The following RORA variants were observed in gnomAD, a reference collection of about 807,000 sequenced individuals.
RORA encodes RAR related orphan receptor A.
Under a neutral mutation model 69.5 loss-of-function variants are expected in RORA, and 7 were observed. The ratio of observed to expected loss-of-function variants is 0.10; its 90% confidence interval spans 0.06 to 0.19. The LOEUF is 0.19. Ranked by LOEUF, RORA falls within the 10% of genes least tolerant of loss-of-function variation. The pLI is 1.00. For missense variants in RORA, 457 were observed against 663.0 expected (o/e 0.69, Z 3.41); for synonymous variants, 261 against 240.8 (o/e 1.08, Z -0.78).
intron 2 of RORA, among the ~76,000 whole-genome samples, chr15:60,594,620 G>C (rs1268334909): frequency 6.6e-6 from 1 of 152,190 alleles, no homozygotes; most frequent in Non-Finnish European, 1.5e-5. Context: ...TGAATAATCT[G>C]ACATCACTAG....
intron 1 of RORA, among the ~76,000 whole-genome samples, chr15:60,820,216 C>T (rs993116101): frequency 6.6e-6 from 1 of 152,232 alleles, no homozygotes; most frequent in Non-Finnish European, 1.5e-5. Flanking sequence ...TACAGGGTTT[C>T]TCTTTGTTCA....
At chr15:60,703,088 T>C (rs750449434) in intron 1 of RORA, among the ~76,000 whole-genome samples, 4 of 151,534 alleles carry the variant, frequency 2.6e-5, no homozygotes, top group Non-Finnish European at 5.9e-5. Flanking sequence ...ACAGTGTGGA[T>C]GGTGACATAA....
chr15:61,142,907 A>T (rs2079313768), intron 1 of RORA, among the ~76,000 whole-genome samples: 1 of 152,326 alleles, frequency 6.6e-6, no homozygotes, highest in African/African-American at 2.4e-5. Flanking sequence ...TCAAAAGCCT[A>T]AATCATACTA....
chr15:60,725,989 A>T (rs2071352258), intron 1 of RORA, among the ~76,000 whole-genome samples: 1 of 152,120 alleles, frequency 6.6e-6, no homozygotes, highest in South Asian at 2.1e-4. Flanking sequence ...GGCACACAAC[A>T]TTTTTTGAAT....
intron 2 of RORA, among the ~76,000 whole-genome samples, chr15:60,563,017 C>T (rs1350890944): frequency 6.6e-6 from 1 of 152,176 alleles, no homozygotes; most frequent in African/African-American, 2.4e-5. Context: ...AGGTGGCTAT[C>T]CTCAAGTTTG....
intron 1 of RORA, among the ~76,000 whole-genome samples, chr15:60,795,672 A>T (rs2072486156): frequency 6.6e-6 from 1 of 152,200 alleles, no homozygotes; most frequent in Non-Finnish European, 1.5e-5. Context: ...TAAGGCAGAA[A>T]CAACAGGTTG....
chr15:60,499,926 T>C lies in RORA; in HGVS notation c.1373A>G (p.Gln458Arg). Reference protein sequence around the residue: ...KIQLALQHVLQKNHREDGILT... With the variant: ...KIQLALQHVLRKNHREDGILT... ...TATTCCATCTTCTCGGTGATTCTTC[T>C]GTAGGACGTGTTGAAGAGCTAGCTG... The change falls in exon 10 of 11, where the codon CAG (glutamine) becomes CGG (arginine). Residue 458 changes from glutamine (Q) to arginine (R), a missense_variant. Transcript: ENST00000335670. 2 of 1,612,724 alleles carry C rather than the reference T, an allele frequency of 1.2e-6. No homozygotes were observed. Among genetic ancestry groups the C allele is most frequent in the Admixed American group, 1.7e-5 (1 of 59,916 alleles).
chr15:61,101,070 C>A (rs1038475070), intron 1 of RORA, among the ~76,000 whole-genome samples: 25 of 152,172 alleles, frequency 1.6e-4, no homozygotes, highest in African/African-American at 6.0e-4. Context: ...GTAGAGAGAA[C>A]AAATTAAGTT....
chr15:60,946,379 T>A (rs531189018), intron 1 of RORA, among the ~76,000 whole-genome samples: 33 of 152,322 alleles, frequency 2.2e-4, no homozygotes, highest in African/African-American at 7.9e-4. Context: ...CTGATTCTTC[T>A]GCCTCAGCCT....
intron 1 of RORA, among the ~76,000 whole-genome samples, chr15:60,971,970 G>A (rs568555714): frequency 6.6e-6 from 1 of 152,320 alleles, no homozygotes; most frequent in African/African-American, 2.4e-5. Flanking sequence ...CAGGCCTAAG[G>A]AGAGAACAAG....
intron 1 of RORA, among the ~76,000 whole-genome samples, chr15:60,703,591 G>A (rs1488402814): frequency 1.3e-5 from 2 of 152,102 alleles, no homozygotes; most frequent in African/African-American, 2.4e-5. Context: ...GTCACAAGCC[G>A]GTTTTACTAC....
At chr15:60,558,114 A>G in intron 2 of RORA, 1 of 637,588 alleles carries the variant, frequency 1.6e-6, no homozygotes, top group Non-Finnish European at 2.6e-6. Flanking sequence ...ATTTTTGTCT[A>G]GAAGTATGCC....
chr15:61,015,181 C>T (rs11071581), intron 1 of RORA, among the ~76,000 whole-genome samples: 148,233 of 152,312 alleles, frequency 0.97, 72,278 homozygotes, highest in Middle Eastern at 1. Context: ...GCACAGGTAC[C>T]GGATGCCTTC....
chr15:60,906,529 T>C (rs1436222341), intron 1 of RORA, among the ~76,000 whole-genome samples: 1 of 152,230 alleles, frequency 6.6e-6, no homozygotes, highest in Non-Finnish European at 1.5e-5. Context: ...GCAGCCATTC[T>C]AGGAAATCTC....
chr15:60,777,712 T>A (rs2072192224), intron 1 of RORA, among the ~76,000 whole-genome samples: 1 of 152,116 alleles, frequency 6.6e-6, no homozygotes, highest in Admixed American at 6.5e-5. Context: ...AAGAGTCCCC[T>A]CATGCAGCAG....
chr15:60,656,731 G>A lies in RORA; in HGVS notation c.196+21926C>T, dbSNP rs114034762. ...GAATCTGCTGGGCAGGTATCTCCCC[G>A]TCTGTCCAGGCAAGCCAAATCAAAT... is the stretch of plus-strand genomic sequence containing the variant. On this transcript the variant is annotated intron_variant, in intron 2 of 10. Coordinates refer to ENST00000335670, the MANE Select transcript of RORA (RefSeq NM_134261.3). Among the ~76,000 whole-genome samples, 518 of 152,220 alleles carry A rather than the reference G, an allele frequency of 3.4e-3. 1 individual carries two copies. The highest frequency in any genetic ancestry group is 0.012 in the African/African-American group (507 of 41,536).
intron 2 of RORA, chr15:60,593,505 C>G (rs963658105): frequency 6.6e-6 from 1 of 152,248 alleles, no homozygotes; most frequent in South Asian, 2.1e-4. Context: ...TCCCTCTAAA[C>G]TTTGAAGCTT....
chr15:60,982,987 C>T (rs1894091808), intron 1 of RORA, among the ~76,000 whole-genome samples: 1 of 152,042 alleles, frequency 6.6e-6, no homozygotes, highest in Non-Finnish European at 1.5e-5. Context: ...AGCCAGCTAC[C>T]TTTATAGACC....
intron 1 of RORA, among the ~76,000 whole-genome samples, chr15:60,958,543 C>A (rs914474682): frequency 2.6e-5 from 4 of 152,128 alleles, no homozygotes; most frequent in Admixed American, 2.6e-4. Flanking sequence ...ATCTTCCCAA[C>A]CACTCTGGGA....
Sources: allele counts gnomAD v4.1 joint callset (sites outside exome capture counted in the v4.1 genomes callset), GRCh38; gene constraint gnomAD v4.1.1; transcripts MANE v1.5; gene names NCBI Gene and HGNC (gene_info 2026-07-23, HGNC 2026-07-21).